H3C6: variants seen among roughly 807,000 people sequenced by gnomAD.
H3C6 encodes the protein H3 clustered histone 6.
H3C6 carries 17 observed loss-of-function variants against 8.0 expected under a neutral mutation model. That is an observed-to-expected ratio of 2.13 (90% CI 1.46 to 3.19). The LOEUF is 3.19. Among genes scored for constraint, H3C6 ranks in the 30% most tolerant of loss-of-function variants. H3C6 has a pLI of 0.00. For missense variants in H3C6, 298 were observed against 193.8 expected (o/e 1.54, Z -3.19); for synonymous variants, 169 against 78.0 (o/e 2.17, Z -6.15).
At chr6:26,225,033 C>A (rs1765595277), upstream of H3C6, 1 of 1,064,160 alleles carries the variant, frequency 9.4e-7, no homozygotes, top group Non-Finnish European at 1.3e-6. Context: ...ATCTCTACGG[C>A]CACTTCCGGA....
upstream of H3C6, among the ~76,000 whole-genome samples, chr6:26,224,520 C>T (rs544687206): frequency 1.3e-5 from 2 of 152,286 alleles, no homozygotes; most frequent in East Asian, 3.9e-4. Context: ...GTTTTAATTT[C>T]AACAAAACGA....
upstream of H3C6, chr6:26,225,053 C>T (rs150937717): frequency 1.7e-4 from 223 of 1,282,820 alleles, 2 homozygotes; most frequent in East Asian, 5.3e-3. Flanking sequence ...AATTTAGCAA[C>T]CGATCACTAA....
chr6:26,225,668 C>G, downstream of H3C6: 1 of 1,289,014 alleles, frequency 7.8e-7, no homozygotes. Context: ...GACCACTAAA[C>G]TGCACTGATC....
chr6:26,224,424 C>T (rs1765585288), upstream of H3C6: 1 of 152,212 alleles, frequency 6.6e-6, no homozygotes. Flanking sequence ...GAGAAACAAC[C>T]TTCTAACACT....
At chr6:26,225,721 T>C, downstream of H3C6, 1 of 965,284 alleles carries the variant, frequency 1.0e-6, no homozygotes, top group East Asian at 2.7e-5. Flanking sequence ...CCCTCGATGC[T>C]TCATTTAAAT....
downstream of H3C6, chr6:26,226,376 ATTTATTTATT>A (rs952947104): frequency 2.5e-5 from 3 of 118,300 alleles, no homozygotes; most frequent in Admixed American, 8.0e-5. Flanking sequence ...TTATTTATTT[ATTTATTTATT>A]TATTTATTTA....
upstream of H3C6, chr6:26,224,294 C>T (rs1456051995): frequency 6.6e-6 from 1 of 152,078 alleles, no homozygotes; most frequent in Non-Finnish European, 1.5e-5. Flanking sequence ...GTTAAGAAGT[C>T]CTGTTATTTG....
At position 26,225,259 on chromosome 6, in the gene H3C6, C is replaced by G; in HGVS notation, c.105C>G (p.Gly35=). 1 of 1,613,900 alleles carries G rather than the reference C, an allele frequency of 6.2e-7. No individual in the cohort carries two copies. The highest frequency in any genetic ancestry group is 8.5e-7 in the Non-Finnish European group (1 of 1,179,844). ...AARKSAPATG[G]VKKPHRYRPG... ...GCAAGAGCGCTCCGGCCACGGGCGG[C>G]GTGAAGAAGCCCCATCGCTACCGCC... is the stretch of plus-strand genomic sequence containing the variant. The change falls in exon 1 of 1, where the codon GGC becomes GGG. Residue 35 remains glycine (G), a synonymous_variant. Transcript: ENST00000614911.
In H3C6 at chr6:26,225,454, C is replaced by G. The variant is rs1466553137; in HGVS notation, c.300C>G (p.Tyr100Ter). 3.1e-6 allele frequency: 5 copies of G among 1,614,258 alleles called. No individual in the cohort carries two copies. Among genetic ancestry groups the G allele is most frequent in the Non-Finnish European group, 4.2e-6 (5 of 1,180,040 alleles). Reference protein sequence around the residue: ...VMALQEACEAYLVGLFEDTNL... With the variant: ...VMALQEACEA Reference sequence around the variant, plus strand: ...CGCTGCAGGAGGCCTGCGAGGCCTACTTGGTGGGGCTTTTCGAGGACACCA... The same window carrying G: ...CGCTGCAGGAGGCCTGCGAGGCCTAGTTGGTGGGGCTTTTCGAGGACACCA... Residue 100 changes from tyrosine to a stop codon, truncating the protein, a stop_gained, in exon 1 of 1, where the codon TAC becomes TAG. Coordinates refer to ENST00000614911, the MANE Select transcript of H3C6 (RefSeq NM_003532.3). LOFTEE classifies it high-confidence loss of function.
upstream of H3C6, chr6:26,225,121 A>C (rs575583153): frequency 4.6e-6 from 7 of 1,523,184 alleles, no homozygotes; most frequent in South Asian, 9.2e-5. Flanking sequence ...GGGGCAAACC[A>C]ATCTTCCTAA....
chr6:26,225,989 C>T (rs1237871605), downstream of H3C6: 6 of 157,886 alleles, frequency 3.8e-5, no homozygotes, highest in Non-Finnish European at 7.0e-5. Context: ...TTGGTTTTGC[C>T]TTTCCTTGAT....
chr6:26,225,437 G>GT lies in H3C6; in HGVS notation c.283_284insT (p.Glu95ValfsTer29). On this transcript the variant is annotated frameshift_variant, in exon 1 of 1. Transcript: ENST00000614911. LOFTEE classifies it high-confidence loss of function. ...GAGTTCCGCGGTGATGGCGCTGCAG[G>GT]AGGCCTGCGAGGCCTACTTGGTGGG... is the stretch of plus-strand genomic sequence containing the variant. 1 of 1,614,248 alleles carries GT rather than the reference G, an allele frequency of 6.2e-7. No individual in the cohort carries two copies. The highest frequency in any genetic ancestry group is 8.5e-7 in the Non-Finnish European group (1 of 1,180,042).
At chr6:26,224,940 G>A, upstream of H3C6, 1 of 474,842 alleles carries the variant, frequency 2.1e-6, no homozygotes, top group Non-Finnish European at 3.7e-6. Flanking sequence ...ACCTGTAACG[G>A]AAAACGACTT....
chr6:26,225,611 C>T lies in H3C6; in HGVS notation c.*46C>T, dbSNP rs748020556. 12 of 1,569,898 alleles carry T rather than the reference C, an allele frequency of 7.6e-6. No individual in the cohort carries two copies. Among genetic ancestry groups the T allele is most frequent in the Middle Eastern group, 1.7e-4 (1 of 5,850 alleles). On this transcript the variant is annotated 3_prime_UTR_variant, in exon 1 of 1. Transcript: ENST00000614911. Reference sequence around the variant, plus strand: ...TAAATCCAAAGGCTCTTCTCAGAGCCAACCACTTTGTCCGTGAAAAGGGCT... The same window carrying T: ...TAAATCCAAAGGCTCTTCTCAGAGCTAACCACTTTGTCCGTGAAAAGGGCT...
downstream of H3C6, chr6:26,225,808 C>G: frequency 2.3e-6 from 1 of 435,296 alleles, no homozygotes. Flanking sequence ...GTTTAGCTGG[C>G]TTTGTTTTGC....
At chr6:26,225,685 G>C (rs1390532678), downstream of H3C6, 6 of 1,217,300 alleles carry the variant, frequency 4.9e-6, no homozygotes, top group African/African-American at 3.0e-5. Context: ...GATCCAAATA[G>C]ACATTTGAAA....
At chr6:26,225,769 G>A (rs1018822687), downstream of H3C6, 2 of 614,302 alleles carry the variant, frequency 3.3e-6, no homozygotes, top group Non-Finnish European at 5.4e-6. Flanking sequence ...TTCGCCTAGG[G>A]CTGGGCCTCC....
At position 26,225,511 on chromosome 6, in the gene H3C6, C is replaced by T. The variant is rs371514191; in HGVS notation, c.357C>T (p.Thr119=). ...NLCAIHAKRV[T]IMPKDIQLAR... ...GCGCTATTCATGCCAAACGCGTGAC[C>T]ATCATGCCTAAAGACATCCAGCTTG... Residue 119 remains threonine, a synonymous_variant, in exon 1 of 1, where the codon ACC becomes ACT. Transcript: ENST00000614911. 8 of 1,614,094 alleles carry T rather than the reference C, an allele frequency of 5.0e-6. No individual in the cohort carries two copies. In the African/African-American group the frequency reaches 9.3e-5, roughly 19 times the overall value.
chr6:26,225,299 C>T lies in H3C6; in HGVS notation c.145C>T (p.Leu49=), dbSNP rs766034991. Residue 49 remains leucine, a synonymous_variant, in exon 1 of 1, where the codon CTG becomes TTG. Coordinates refer to ENST00000614911, the MANE Select transcript of H3C6 (RefSeq NM_003532.3). ...PHRYRPGTVA[L]REIRRYQKST... ...TCGCTACCGCCCTGGCACCGTGGCTCTGCGCGAGATCCGTCGCTACCAGAA... is the reference window on the plus strand; with the variant it reads ...TCGCTACCGCCCTGGCACCGTGGCTTTGCGCGAGATCCGTCGCTACCAGAA... 6 of 1,614,104 alleles carry T rather than the reference C, an allele frequency of 3.7e-6. No homozygotes were observed. Among genetic ancestry groups the T allele is most frequent in the Admixed American group, 3.3e-5 (2 of 60,012 alleles).
Sources: gnomAD v4.1 joint callset for allele counts (sites outside exome capture counted in the v4.1 genomes callset) on GRCh38, gnomAD v4.1.1 for gene constraint, MANE v1.5 for transcripts, NCBI Gene and HGNC (gene_info 2026-07-23, HGNC 2026-07-21) for gene names.